Variants in TOX2 observed in about 807,000 individuals in gnomAD.
TOX2 encodes granulosa cell HMG box 1.
Under a neutral mutation model 47.4 loss-of-function variants are expected in TOX2, and 15 were observed. The observed-to-expected ratio is 0.32, with a 90% CI of 0.21 to 0.49. TOX2 has a LOEUF of 0.49. Ranked by LOEUF, TOX2 falls within the 20% of genes least tolerant of loss-of-function variation. The probability of loss-of-function intolerance (pLI) is 0.99; values close to 1 mark genes in which losing one functional copy is unlikely to be tolerated. For missense variants in TOX2, 622 were observed against 673.1 expected, an observed-to-expected ratio of 0.92 and a Z score of 0.84; for synonymous variants, 290 against 296.6, an observed-to-expected ratio of 0.98 and a Z score of 0.23.
chr20:44,048,862 T>C (rs2071460518), intron 3 of TOX2, among the ~76,000 whole-genome samples: 1 of 152,198 alleles, frequency 6.6e-6, no homozygotes, highest in African/African-American at 2.4e-5. Flanking sequence ...GGGCCAGGTG[T>C]GGTGGCTCAT....
chr20:43,962,211 C>T (rs1034960734), intron 1 of TOX2, among the ~76,000 whole-genome samples: 4 of 152,208 alleles, frequency 2.6e-5, no homozygotes, highest in Admixed American at 6.5e-5. Flanking sequence ...GGAAGAAATA[C>T]AGGCCTGCCA....
At chr20:43,919,068 C>A (rs1206161901) in intron 1 of TOX2, among the ~76,000 whole-genome samples, 1 of 152,206 alleles carries the variant, frequency 6.6e-6, no homozygotes, top group Non-Finnish European at 1.5e-5. Context: ...TCAAGGCCAA[C>A]CTGGGTACCA....
At chr20:44,059,955 T>C (rs1210918566) in intron 5 of TOX2, among the ~76,000 whole-genome samples, 1 of 152,140 alleles carries the variant, frequency 6.6e-6, no homozygotes, top group Non-Finnish European at 1.5e-5. Context: ...CACTTAAAAA[T>C]ACAGAATGGC....
In TOX2 at chr20:44,029,891, G is replaced by A. The variant is rs149856386; in HGVS notation, c.412-21415G>A. On this transcript the variant is annotated intron_variant, in intron 3 of 8. Coordinates refer to ENST00000341197, the MANE Select transcript of TOX2 (RefSeq NM_001098797.2). The stretch of plus-strand genomic sequence containing the variant: ...GGTTAGGGGCACTGATGGCCTTCAC[G>A]TTGCCAAACCCATTGGGCACCTGCT... Among the ~76,000 whole-genome samples, 718 of 152,164 alleles carry A rather than the reference G, an allele frequency of 4.7e-3. 4 individuals carry two copies. Among genetic ancestry groups the A allele is most frequent in the Middle Eastern group, 0.024 (7 of 292 alleles).
intron 2 of TOX2, among the ~76,000 whole-genome samples, chr20:44,004,820 G>A (rs1340634296): frequency 6.6e-6 from 1 of 152,182 alleles, no homozygotes; most frequent in African/African-American, 2.4e-5. Flanking sequence ...GCTAGAAGGT[G>A]TTATTTCTTA....
chr20:44,047,279 C>G (rs2145737435), intron 3 of TOX2, among the ~76,000 whole-genome samples: 1 of 152,230 alleles, frequency 6.6e-6, no homozygotes, highest in Admixed American at 6.5e-5. Context: ...TTGTCAGAAC[C>G]AAAAATGTCT....
chr20:43,914,874 G>C lies in TOX2; in HGVS notation c.-18G>C. 1.0e-6 allele frequency: 1 copy of C among 993,886 alleles called. No homozygotes were observed. The highest frequency in any genetic ancestry group is 1.2e-6 in the Non-Finnish European group (1 of 836,598). The allele number at this position is 993,886 out of a possible 1,614,324, so 61.6% of individuals were successfully genotyped here. On this transcript the variant is annotated 5_prime_UTR_variant, in exon 1 of 9. Coordinates refer to ENST00000341197, the MANE Select transcript of TOX2 (RefSeq NM_001098797.2). This position sits in a 1 kb window ranked among gnomAD's most constrained non-coding sequence, Gnocchi z 4.5. ...GGCACTGCCCGCGGGAGCCGCCGCC[G>C]CCGCCGCCGCGCCCGCCATGGACGT... is the stretch of plus-strand genomic sequence containing the variant.
intron 2 of TOX2, among the ~76,000 whole-genome samples, chr20:43,992,213 G>A (rs1011722363): frequency 2.6e-5 from 4 of 152,206 alleles, no homozygotes; most frequent in African/African-American, 7.2e-5. Flanking sequence ...TGGCTGGAGT[G>A]GAGGCAGTGA....
At chr20:43,936,138 G>T (rs1413384485) in intron 1 of TOX2, among the ~76,000 whole-genome samples, 1 of 152,070 alleles carries the variant, frequency 6.6e-6, no homozygotes, top group Non-Finnish European at 1.5e-5. Flanking sequence ...ATTCCCACTG[G>T]TAGAGACAGG....
intron 3 of TOX2, among the ~76,000 whole-genome samples, chr20:44,044,626 G>A (rs779370529): frequency 2.0e-5 from 3 of 152,156 alleles, no homozygotes; most frequent in Admixed American, 6.5e-5. Context: ...AGAGAGAAAC[G>A]AGTGGCGTGG....
chr20:44,041,152 A>G (rs1195939491), intron 3 of TOX2, among the ~76,000 whole-genome samples: 1 of 152,220 alleles, frequency 6.6e-6, no homozygotes, highest in Non-Finnish European at 1.5e-5. Context: ...GCTTCACTGC[A>G]CAGCCAGCAG....
chr20:43,940,525 C>CT (rs11481268), intron 1 of TOX2, among the ~76,000 whole-genome samples: 27,625 of 147,576 alleles, frequency 0.19, 3,454 homozygotes, highest in East Asian at 0.37. Context: ...CACCTGGCAA[C>CT]TTTTTTTTTT....
intron 5 of TOX2, among the ~76,000 whole-genome samples, chr20:44,055,117 T>C (rs1286148553): frequency 6.6e-6 from 1 of 152,190 alleles, no homozygotes; most frequent in Non-Finnish European, 1.5e-5. Context: ...TAGCCATTGC[T>C]TTCCTGTTTG....
At position 43,986,956 on chromosome 20, in the gene TOX2, C is replaced by T. The variant is rs963930461; in HGVS notation, c.165+13524C>T. On this transcript the variant is annotated intron_variant, in intron 2 of 8. Transcript: ENST00000341197. ...GTACATACCTGTAGTCCCAGCTACT[C>T]GAGAGGCTAAGGTGGGACGATCACT... Among the ~76,000 whole-genome samples, 12 of 151,992 alleles carry T rather than the reference C, an allele frequency of 7.9e-5. 1 individual carries two copies. The highest frequency in any genetic ancestry group is 1.3e-4 in the Admixed American group (2 of 15,270).
chr20:44,043,285 C>T (rs1007161635), intron 3 of TOX2, among the ~76,000 whole-genome samples: 11 of 152,162 alleles, frequency 7.2e-5, no homozygotes, highest in African/African-American at 2.7e-4. Context: ...TAACACTCTG[C>T]TTGGAAGAGC....
In TOX2 at chr20:43,941,323, CT is replaced by C. The variant is rs3037468; in HGVS notation, c.99+26348del. ...TTTGGATAATAGGTGGTTTTAAAGC[CT>C]TTTTTTTTTTTTTTGAGTATTTTTT... On this transcript the variant is annotated intron_variant, in intron 1 of 8. Transcript: ENST00000341197. Among the ~76,000 whole-genome samples, 706 of 135,796 alleles carry C rather than the reference CT, an allele frequency of 5.2e-3. 2 individuals carry two copies. The highest frequency in any genetic ancestry group is 0.023 in the East Asian group (107 of 4,736). 89.1% of individuals were successfully genotyped at this position (135,796 alleles called of 152,430 possible). A position where few individuals can be genotyped will look rare whatever the true frequency, so the allele number is the denominator to read the frequency against.
intron 3 of TOX2, among the ~76,000 whole-genome samples, chr20:44,030,233 T>C (rs554362000): frequency 1.3e-5 from 2 of 152,256 alleles, no homozygotes; most frequent in South Asian, 4.1e-4. Flanking sequence ...TCATCAGTAA[T>C]CTGGTATGAG....
At position 43,991,614 on chromosome 20, in the gene TOX2, CATTATTATT is replaced by C. The variant is rs143981680; in HGVS notation, c.166-14896_166-14888del. Among the ~76,000 whole-genome samples, 1,125 of 141,598 alleles carry C rather than the reference CATTATTATT, an allele frequency of 7.9e-3. 10 individuals are homozygous for C. The highest frequency in any genetic ancestry group is 9.4e-3 in the South Asian group (39 of 4,152). The allele number at this position is 141,598 out of a possible 152,430, so 92.9% of individuals were successfully genotyped here. On this transcript the variant is annotated intron_variant, in intron 2 of 8. Coordinates refer to ENST00000341197, the MANE Select transcript of TOX2 (RefSeq NM_001098797.2). ...CCTAGTGAAGGGGACAGGCAATAAT[CATTATTATT>C]ATTATTATTATTATTATTATTATTA...
At chr20:44,062,407 T>TA (rs2071737115) in intron 5 of TOX2, among the ~76,000 whole-genome samples, 1 of 126,912 alleles carries the variant, frequency 7.9e-6, no homozygotes, top group Non-Finnish European at 1.8e-5. Flanking sequence ...AATAAATAAA[T>TA]GAATAAATAA....
Sources: gnomAD v4.1 joint callset for allele counts (sites outside exome capture counted in the v4.1 genomes callset) on GRCh38, gnomAD v4.1.1 for gene constraint, Gnocchi (gnomAD v3.1) non-coding constraint, MANE v1.5 for transcripts, NCBI Gene and HGNC (gene_info 2026-07-23, HGNC 2026-07-21) for gene names.